Variants in SYCP1 observed in about 807,000 individuals in gnomAD.
SYCP1 encodes cancer/testis antigen 8.
A neutral mutation model predicts 153.1 loss-of-function variants in SYCP1; 64 were observed. The observed-to-expected ratio is 0.42, with a 90% CI of 0.34 to 0.51. SYCP1 has a LOEUF of 0.51. SYCP1 is among the 20% of genes least tolerant of loss of function. The probability of loss-of-function intolerance (pLI) is 0.06; values close to 1 mark genes in which losing one functional copy is unlikely to be tolerated. For missense variants in SYCP1, 997 were observed against 1,049.0 expected, an observed-to-expected ratio of 0.95 and a Z score of 0.68; for synonymous variants, 384 against 341.8, an observed-to-expected ratio of 1.12 and a Z score of -1.36.
At chr1:114,988,483 G>C (rs1013461461) in intron 30 of SYCP1, among the ~76,000 whole-genome samples, 6 of 151,954 alleles carry the variant, frequency 3.9e-5, no homozygotes, top group Non-Finnish European at 1.5e-5. Flanking sequence ...AGAAATGTTA[G>C]ATGCCAGAAG....
At chr1:114,948,874 C>A (rs1670914760) in intron 27 of SYCP1, among the ~76,000 whole-genome samples, 1 of 152,084 alleles carries the variant, frequency 6.6e-6, no homozygotes, top group Admixed American at 6.6e-5. Flanking sequence ...GCTATTAAAC[C>A]CTCAGCAATC....
chr1:114,937,373 A>G (rs999759108), intron 23 of SYCP1, among the ~76,000 whole-genome samples: 5 of 152,226 alleles, frequency 3.3e-5, no homozygotes, highest in African/African-American at 1.2e-4. Context: ...TCCCTTCCTT[A>G]TACCTTATAC....
At chr1:114,992,884 AT>A (rs1291546796) in intron 30 of SYCP1, among the ~76,000 whole-genome samples, 3 of 151,604 alleles carry the variant, frequency 2.0e-5, no homozygotes, top group Admixed American at 6.6e-5. Flanking sequence ...AATCATATAT[AT>A]GACAAGGGAT....
At chr1:114,886,903 A>AT (rs1429015744) in intron 14 of SYCP1, among the ~76,000 whole-genome samples, 5 of 151,928 alleles carry the variant, frequency 3.3e-5, no homozygotes, top group Admixed American at 3.3e-4. Context: ...TAAAGACTCT[A>AT]TTTTTTACTA....
At chr1:114,965,767 A>G (rs1672082151) in intron 27 of SYCP1, among the ~76,000 whole-genome samples, 1 of 152,100 alleles carries the variant, frequency 6.6e-6, no homozygotes, top group Admixed American at 6.6e-5. Flanking sequence ...ATTGAGGATT[A>G]TCACATCGAT....
chr1:114,873,755 GT>G (rs1264664209), intron 8 of SYCP1, among the ~76,000 whole-genome samples: 1 of 152,034 alleles, frequency 6.6e-6, no homozygotes, highest in Non-Finnish European at 1.5e-5. Context: ...CTCCACAGAG[GT>G]TTTTTTATTT....
In SYCP1 at chr1:114,883,817, C is replaced by T. The variant is rs574617339; in HGVS notation, c.911-1718C>T. Among the ~76,000 whole-genome samples the T allele has an allele frequency of 5.9e-5, 9 of 152,222 alleles. No homozygotes were observed. In the East Asian group the frequency reaches 7.7e-4, roughly 13 times the overall value. On this transcript the variant is annotated intron_variant, in intron 12 of 31. Transcript: ENST00000369522. ...AGGTGATTCTCCTGCCTCAGCCTCC[C>T]GAGTAGCTGGGACTACAGGCATGCA...
chr1:114,856,443 A>G (rs1334233726), intron 2 of SYCP1, 130 bp from the exon 3 acceptor site: 5 of 526,496 alleles, frequency 9.5e-6, no homozygotes, highest in Non-Finnish European at 6.5e-6. Flanking sequence ...TAAACACTGT[A>G]TGTACATTAA....
intron 23 of SYCP1, among the ~76,000 whole-genome samples, chr1:114,935,693 T>G (rs1010200827): frequency 6.6e-6 from 1 of 151,942 alleles, no homozygotes; most frequent in Non-Finnish European, 1.5e-5. Context: ...AAGAATCAAA[T>G]AGATGCAATA....
At position 114,925,339 on chromosome 1, in the gene SYCP1, C is replaced by T. The variant is rs7524235; in HGVS notation, c.1801-939C>T. 6.6e-3 allele frequency among the ~76,000 whole-genome samples: 1,003 copies of T among 151,978 alleles called. 15 individuals are homozygous for T. The highest frequency in any genetic ancestry group is 0.023 in the African/African-American group (940 of 41,458). ...AATTTTTAATGTAAAATAAAATCCT[C>T]CATTAAGAATTTAAGACATACTTTA... is the stretch of plus-strand genomic sequence containing the variant. On this transcript the variant is annotated intron_variant, in intron 21 of 31. Coordinates refer to ENST00000369522, the MANE Select transcript of SYCP1 (RefSeq NM_003176.4).
chr1:114,893,134 T>A (rs981523098), intron 15 of SYCP1, among the ~76,000 whole-genome samples: 2 of 152,220 alleles, frequency 1.3e-5, no homozygotes, highest in Admixed American at 1.3e-4. Context: ...TAGTTATTCT[T>A]TGTGGAGGAG....
intron 8 of SYCP1, among the ~76,000 whole-genome samples, chr1:114,864,251 G>C (rs1664576832): frequency 6.6e-6 from 1 of 152,118 alleles, no homozygotes; most frequent in South Asian, 2.1e-4. Context: ...AGGGTGATTG[G>C]GAAGTTTTTT....
chr1:114,938,087 C>A (rs546860668), intron 23 of SYCP1, among the ~76,000 whole-genome samples: 1 of 152,216 alleles, frequency 6.6e-6, no homozygotes, highest in South Asian at 2.1e-4. Context: ...GCTATAAAGG[C>A]ACATGCACAT....
chr1:114,888,721 A>G (rs1355880911), intron 15 of SYCP1, among the ~76,000 whole-genome samples: 1 of 152,124 alleles, frequency 6.6e-6, no homozygotes, highest in Non-Finnish European at 1.5e-5. Context: ...AATTATTATT[A>G]TACTTTAAGT....
chr1:114,883,424 C>T (rs1355680719), intron 12 of SYCP1, among the ~76,000 whole-genome samples: 1 of 152,056 alleles, frequency 6.6e-6, no homozygotes, highest in Non-Finnish European at 1.5e-5. Context: ...CTTTGTTTCC[C>T]ATTGTGTTTG....
At chr1:114,992,224 G>A (rs946699461) in intron 30 of SYCP1, among the ~76,000 whole-genome samples, 1 of 151,594 alleles carries the variant, frequency 6.6e-6, no homozygotes, top group Non-Finnish European at 1.5e-5. Flanking sequence ...GATGTCAGTG[G>A]TACCCAAATC....
chr1:114,924,677 T>G (rs978700271), intron 21 of SYCP1, among the ~76,000 whole-genome samples: 21 of 152,072 alleles, frequency 1.4e-4, no homozygotes, highest in African/African-American at 3.6e-4. Context: ...CATATTTAAG[T>G]AACTACAAAA....
chr1:114,900,882 C>A (rs1311298941), intron 16 of SYCP1, among the ~76,000 whole-genome samples: 2 of 152,206 alleles, frequency 1.3e-5, no homozygotes, highest in Non-Finnish European at 2.9e-5. Context: ...ATCTGACCTG[C>A]ATAATTTAGT....
At chr1:114,923,321 A>T in intron 20 of SYCP1, 128 bp from the exon 21 acceptor site, 2 of 950,664 alleles carry the variant, frequency 2.1e-6, no homozygotes, top group Non-Finnish European at 3.0e-6. Context: ...ATTATGAAGT[A>T]TTCAGTTTTG....
Sources: gnomAD v4.1 joint callset for allele counts (sites outside exome capture counted in the v4.1 genomes callset) on GRCh38, gnomAD v4.1.1 for gene constraint, MANE v1.5 for transcripts, NCBI Gene and HGNC (gene_info 2026-07-23, HGNC 2026-07-21) for gene names.